The following TRIM10 variants were observed in gnomAD, a reference collection of about 807,000 sequenced individuals.
The protein encoded by TRIM10 is tripartite motif containing 10.
A neutral mutation model predicts 40.0 loss-of-function variants in TRIM10; 42 were observed. The observed-to-expected ratio is 1.05, with a 90% confidence interval of 0.82 to 1.36. TRIM10 has a LOEUF of 1.36. Ranked by LOEUF, TRIM10 falls within the 40% of genes most tolerant of loss-of-function variation. The pLI is 0.00. For synonymous variants in TRIM10, 260 were observed against 239.5 expected (o/e 1.09, Z -0.79); for missense variants, 601 against 608.3 (o/e 0.99, Z 0.13).
In TRIM10 at chr6:30,152,878, C is replaced by A. The variant is rs544396671; in HGVS notation, c.*1091G>T. ...AAGTTCATAGGTCATCCAACTTATG[C>A]CCTGGCCTCCTTCTGGAATTCTTTT... On this transcript the variant is annotated 3_prime_UTR_variant, in exon 7 of 7. Coordinates refer to ENST00000449742, the MANE Select transcript of TRIM10 (RefSeq NM_006778.4). 1 of 152,208 alleles carries A rather than the reference C, an allele frequency of 6.6e-6. No individual in the cohort carries two copies. The highest frequency in any genetic ancestry group is 6.5e-5 in the Admixed American group (1 of 15,278). 9.4% of individuals were successfully genotyped at this position (152,208 alleles called of 1,614,324 possible).
rs370559232 is a variant in TRIM10, at chr6:30,160,608, C to G, written c.251G>C (p.Arg84Pro). 2.5e-6 allele frequency: 4 copies of G among 1,614,114 alleles called. No individual in the cohort carries two copies. The highest frequency in any genetic ancestry group is 3.4e-6 in the Non-Finnish European group (4 of 1,180,046). The change falls in exon 1 of 7, where the codon CGC (arginine) becomes CCC (proline). Residue 84 changes from arginine (R) to proline (P), a missense_variant. Arg to Pro is a moderately radical substitution (Grantham distance 103, BLOSUM62 -2). Coordinates refer to ENST00000449742, the MANE Select transcript of TRIM10 (RefSeq NM_006778.4). ...QLANVVENIERLQLVSTLGLG... is the reference protein window; with the variant it reads ...QLANVVENIEPLQLVSTLGLG... Reference sequence around the variant, plus strand: ...ACCCAGTGTGGACACCAGCTGGAGGCGCTCAATGTTCTCCACCACGTTAGC... The same window carrying G: ...ACCCAGTGTGGACACCAGCTGGAGGGGCTCAATGTTCTCCACCACGTTAGC...
At chr6:30,162,486 G>A (rs963871284), upstream of TRIM10, among the ~76,000 whole-genome samples, 5 of 152,106 alleles carry the variant, frequency 3.3e-5, no homozygotes, top group Admixed American at 3.3e-4. Flanking sequence ...GGAAGGGGAG[G>A]TAATAAAGTG....
rs1773045396 is a variant in TRIM10 at position 30,160,968 on chromosome 6, C to T, written c.-110G>A. The T allele has an allele frequency of 9.1e-7, 1 of 1,098,360 alleles. No homozygotes were observed. Among genetic ancestry groups the T allele is most frequent in the East Asian group, 2.6e-5 (1 of 38,586 alleles). 68.0% of individuals were successfully genotyped at this position (1,098,360 alleles called of 1,614,324 possible). On this transcript the variant is annotated 5_prime_UTR_variant, in exon 1 of 7. Transcript: ENST00000449742. ...ACACATGCACATGGCTGGACACAGG[C>T]ACATACTAAATATGCACCAGCACCC... is the stretch of plus-strand genomic sequence containing the variant.
intron 1 of TRIM10, 145 bp from the exon 2 acceptor site, chr6:30,159,390 C>T: frequency 1.6e-6 from 1 of 620,702 alleles, no homozygotes; most frequent in Admixed American, 2.8e-5. Context: ...CTTCACCACC[C>T]TGACAGCTTA....
chr6:30,156,463 C>T (rs977233508), intron 5 of TRIM10, among the ~76,000 whole-genome samples: 4 of 151,976 alleles, frequency 2.6e-5, no homozygotes, highest in African/African-American at 4.8e-5. Context: ...GCACAGTCCC[C>T]GTAGGACCGT....
chr6:30,154,673 C>T (rs1245517760), intron 6 of TRIM10, 187 bp from the exon 7 acceptor site: 8 of 763,834 alleles, frequency 1.0e-5, no homozygotes, highest in South Asian at 1.5e-5. Context: ...GAATCTGCAT[C>T]CTAACAAGAT....
rs1244820055 is a variant in TRIM10, at chr6:30,152,751, T to C, written c.*1218A>G. 2 of 152,312 alleles carry C rather than the reference T, an allele frequency of 1.3e-5. No homozygotes were observed. The highest frequency in any genetic ancestry group is 4.8e-5 in the African/African-American group (2 of 41,564). 9.4% of individuals were successfully genotyped at this position (152,312 alleles called of 1,614,324 possible). A position where few individuals can be genotyped will look rare whatever the true frequency, so the allele number is the denominator to read the frequency against. Reference sequence around the variant, plus strand: ...CATGATTATGCAAAATAAAATACAATAGTGACAAGAACAAGAAAATAAAAC... The same window carrying C: ...CATGATTATGCAAAATAAAATACAACAGTGACAAGAACAAGAAAATAAAAC... On this transcript the variant is annotated 3_prime_UTR_variant, in exon 7 of 7. Coordinates refer to ENST00000449742, the MANE Select transcript of TRIM10 (RefSeq NM_006778.4).
upstream of TRIM10, chr6:30,163,730 T>C: frequency 6.2e-7 from 1 of 1,612,906 alleles, no homozygotes; most frequent in Non-Finnish European, 8.5e-7. Context: ...GCTGCCTGCC[T>C]GTACCCTCTG....
chr6:30,157,285 A>C, intron 4 of TRIM10, 84 bp downstream of exon 4: 4 of 1,314,188 alleles, frequency 3.0e-6, no homozygotes, highest in Non-Finnish European at 3.2e-6. Context: ...AGAATGTTAT[A>C]TACCTGTGTG....
At chr6:30,163,564 C>G (rs1305778254), upstream of TRIM10, 1 of 1,302,350 alleles carries the variant, frequency 7.7e-7, no homozygotes, top group Non-Finnish European at 1.0e-6. Context: ...TTCTCTCTCT[C>G]TGTCTCTTAG....
At chr6:30,163,813 C>G (rs748272613), upstream of TRIM10, 1 of 1,612,948 alleles carries the variant, frequency 6.2e-7, no homozygotes, top group African/African-American at 1.3e-5. Context: ...TCCCCGCGCT[C>G]TCCCAGATGG....
intron 3 of TRIM10, among the ~76,000 whole-genome samples, chr6:30,158,196 G>A (rs1221566078): frequency 3.3e-5 from 5 of 152,210 alleles, no homozygotes; most frequent in South Asian, 2.1e-4. Flanking sequence ...ATGGTGGGAC[G>A]GAGAGGTGGA....
At position 30,160,682 on chromosome 6, in the gene TRIM10, G is replaced by A. The variant is rs1398947253; in HGVS notation, c.177C>T (p.Leu59=). 4 of 1,614,130 alleles carry A rather than the reference G, an allele frequency of 2.5e-6. No individual in the cohort carries two copies. The highest frequency in any genetic ancestry group is 3.4e-6 in the Non-Finnish European group (4 of 1,180,058). Residue 59 remains leucine (L), a synonymous_variant, in exon 1 of 7, where the codon CTC becomes CTT. Transcript: ENST00000449742. ...PDLEESPTCP[L]CKEPFRPGSF... is the part of the protein sequence containing the mutation. ...TCCCAGGACGGAAGGGTTCTTTGCAGAGTGGGCAAGTAGGGGACTCCTCCA... is the reference window on the plus strand; with the variant it reads ...TCCCAGGACGGAAGGGTTCTTTGCAAAGTGGGCAAGTAGGGGACTCCTCCA...
chr6:30,161,350 G>C (rs1475968649), upstream of TRIM10, among the ~76,000 whole-genome samples: 1 of 152,180 alleles, frequency 6.6e-6, no homozygotes, highest in Non-Finnish European at 1.5e-5. Context: ...GCAAGCAGGA[G>C]AGTGTGGGGG....
chr6:30,160,475 A>G lies in TRIM10; in HGVS notation c.384T>C (p.Ala128=), dbSNP rs752075567. 5.0e-6 allele frequency: 8 copies of G among 1,614,006 alleles called. No homozygotes were observed. Among genetic ancestry groups the G allele is most frequent in the Non-Finnish European group, 5.9e-6 (7 of 1,180,022 alleles). The change falls in exon 1 of 7, where the codon GCT becomes GCC. Residue 128 remains alanine (A), a synonymous_variant. Coordinates refer to ENST00000449742, the MANE Select transcript of TRIM10 (RefSeq NM_006778.4). ...CCTCCAGGAAGCGCATGGTGTGGGT[A>G]GCGTGCTCCCCAGCCTCCCGGCACA... ...CVVCREAGEH[A]THTMRFLEDA...
chr6:30,161,985 C>T (rs1265219851), upstream of TRIM10, among the ~76,000 whole-genome samples: 2 of 151,850 alleles, frequency 1.3e-5, no homozygotes, highest in African/African-American at 2.4e-5. Context: ...CTTTGAAATC[C>T]GGTGTGTTGG....
At chr6:30,162,626 A>G (rs1341186841), upstream of TRIM10, among the ~76,000 whole-genome samples, 1 of 152,172 alleles carries the variant, frequency 6.6e-6, no homozygotes, top group East Asian at 1.9e-4. Context: ...TGGTCTTGGC[A>G]TGAGGTGTGG....
intron 3 of TRIM10, among the ~76,000 whole-genome samples, chr6:30,157,792 G>A (rs1043584929): frequency 1.3e-5 from 2 of 149,934 alleles, no homozygotes; most frequent in African/African-American, 4.9e-5. Context: ...GATGCATAGA[G>A]TCACAGAGCA....
chr6:30,156,622 G>A (rs544087139), intron 5 of TRIM10, among the ~76,000 whole-genome samples: 1 of 152,228 alleles, frequency 6.6e-6, no homozygotes, highest in East Asian at 1.9e-4. Context: ...GTTGCTGTGG[G>A]ATTTTTTAAC....
Sources: allele counts gnomAD v4.1 joint callset (sites outside exome capture counted in the v4.1 genomes callset), GRCh38; gene constraint gnomAD v4.1.1; transcripts MANE v1.5; gene names NCBI Gene and HGNC (gene_info 2026-07-23, HGNC 2026-07-21).